The following TMEM94 variants were observed in gnomAD, a reference collection of about 807,000 sequenced individuals.
TMEM94 encodes the protein ER Mg2+ ATPase.
TMEM94 carries 81 observed loss-of-function variants against 158.6 expected under a neutral mutation model. That is an observed-to-expected ratio of 0.51 (90% CI 0.43 to 0.61). The LOEUF (loss-of-function observed/expected upper bound fraction) is 0.61, where lower values mean the gene tolerates loss of function less well. Among genes scored for constraint, TMEM94 ranks in the 20% least tolerant of loss-of-function variants. The pLI, the probability that TMEM94 is intolerant of heterozygous loss-of-function variation, is 0.00. For synonymous variants in TMEM94, 751 were observed against 730.7 expected (o/e 1.03, Z -0.45); for missense variants, 1,435 against 1,762.0 (o/e 0.81, Z 3.32).
chr17:75,498,280 C>T lies in TMEM94; in HGVS notation c.3595C>T (p.Arg1199Trp), dbSNP rs566291500. 17 of 1,613,440 alleles carry T rather than the reference C, an allele frequency of 1.1e-5. No individual in the cohort carries two copies. The highest frequency in any genetic ancestry group is 7.7e-5 in the South Asian group (7 of 91,080). Residue 1199 changes from arginine to tryptophan, a missense_variant, in exon 28 of 32, where the codon CGG (arginine) becomes TGG (tryptophan). This residue lies in a region of TMEM94 where 335 missense variants were observed against 409.1 expected (regional missense o/e 0.82). Transcript: ENST00000314256. This position sits in a 1 kb window ranked among gnomAD's most constrained non-coding sequence, Gnocchi z 6.7. ...ACTGCAGAGCTTCTGTGACAGCTCC[C>T]GGGACCGCAACCTCACCAACTGCTC... The part of the protein sequence containing the change: ...FTLQSFCDSS[R>W]DRNLTNCSSV...
chr17:75,463,138 G>A (rs1246540459), intron 1 of TMEM94, among the ~76,000 whole-genome samples: 1 of 56,150 alleles, frequency 1.8e-5, no homozygotes, highest in African/African-American at 1.6e-4. Flanking sequence ...GTGTATATAT[G>A]TATATATATA....
chr17:75,490,184 T>C lies in TMEM94; in HGVS notation c.955-50T>C, dbSNP rs1367955709. The stretch of plus-strand genomic sequence containing the variant: ...CCAGGGCAGCCCTTCCCTTCCCTCC[T>C]CCCCAGGCCCGGAGCTCAGGAGCCA... On this transcript the variant is annotated intron_variant, in intron 9 of 31. Coordinates refer to ENST00000314256, the MANE Select transcript of TMEM94 (RefSeq NM_014738.6). 3 of 1,597,196 alleles carry C rather than the reference T, an allele frequency of 1.9e-6. No individual in the cohort carries two copies. The South Asian group carries it at 3.3e-5, about 18-fold the overall frequency.
chr17:75,490,682 C>T lies in TMEM94; in HGVS notation c.1072-20C>T, dbSNP rs757966305. 1 of 1,613,054 alleles carries T rather than the reference C, an allele frequency of 6.2e-7. No individual in the cohort carries two copies. The highest frequency in any genetic ancestry group is 1.1e-5 in the South Asian group (1 of 91,012). ...AGGCGGCGTTTTCCTCACTGAGGAC[C>T]TCACCCTCTCTCCGTGCAGCTGGCT... On this transcript the variant is annotated intron_variant, in intron 10 of 31. Coordinates refer to ENST00000314256, the MANE Select transcript of TMEM94 (RefSeq NM_014738.6).
At chr17:75,473,826 A>G (rs2146269138) in intron 2 of TMEM94, among the ~76,000 whole-genome samples, 1 of 152,250 alleles carries the variant, frequency 6.6e-6, no homozygotes, top group East Asian at 1.9e-4. Context: ...AATTGATAGT[A>G]CAAGCAGGCT....
intron 4 of TMEM94, 136 bp downstream of exon 4, chr17:75,486,134 C>T (rs1297582614): frequency 2.8e-6 from 4 of 1,444,464 alleles, no homozygotes; most frequent in Non-Finnish European, 3.7e-6. Flanking sequence ...TCCTCAGTCC[C>T]TTGAATGGGG....
intron 11 of TMEM94, 105 bp downstream of exon 11, chr17:75,490,863 C>T: frequency 9.1e-7 from 1 of 1,093,102 alleles, no homozygotes; most frequent in Non-Finnish European, 1.4e-6. Flanking sequence ...TCTTAGAGCC[C>T]CATGTCCACC....
In TMEM94 at chr17:75,489,200, A is replaced by C; in HGVS notation, c.765-66A>C. ...GCGGTATCTGGCAGAGAGGCCCAGA[A>C]TCCTCCCAAGGTGTAGGTTTCTAGC... On this transcript the variant is annotated intron_variant, in intron 7 of 31. Coordinates refer to ENST00000314256, the MANE Select transcript of TMEM94 (RefSeq NM_014738.6). This position sits in a 1 kb window ranked among gnomAD's most constrained non-coding sequence, Gnocchi z 5.0. 1 of 1,480,970 alleles carries C rather than the reference A, an allele frequency of 6.8e-7. No homozygotes were observed. Among genetic ancestry groups the C allele is most frequent in the East Asian group, 2.3e-5 (1 of 44,088 alleles). 91.7% of individuals were successfully genotyped at this position (1,480,970 alleles called of 1,614,324 possible).
chr17:75,496,513 G>T, intron 24 of TMEM94, 42 bp downstream of exon 24: 2 of 1,593,028 alleles, frequency 1.3e-6, no homozygotes, highest in South Asian at 2.2e-5. Flanking sequence ...CGCAGGACAG[G>T]ACCCGCCTGG....
chr17:75,457,962 A>G (rs1187508984), intron 1 of TMEM94, among the ~76,000 whole-genome samples: 5 of 152,146 alleles, frequency 3.3e-5, no homozygotes, highest in African/African-American at 4.8e-5. Flanking sequence ...GGATCCTCCT[A>G]TGCTTCCTGG....
intron 17 of TMEM94, 40 bp downstream of exon 17, chr17:75,493,633 G>A (rs768299619): frequency 7.4e-6 from 12 of 1,612,812 alleles, no homozygotes; most frequent in African/African-American, 2.7e-5. Context: ...GAGCAGTCGC[G>A]CTGCCGGGGC....
chr17:75,496,232 A>G, intron 23 of TMEM94, 50 bp from the exon 24 acceptor site: 1 of 1,611,116 alleles, frequency 6.2e-7, no homozygotes, highest in East Asian at 2.2e-5. Flanking sequence ...TGGGGTGCCC[A>G]GTCCTGTGGG....
At chr17:75,474,467 C>A (rs905901353) in intron 2 of TMEM94, among the ~76,000 whole-genome samples, 1 of 152,222 alleles carries the variant, frequency 6.6e-6, no homozygotes, top group East Asian at 1.9e-4. Context: ...ATGGTGAAAC[C>A]CTGTCTCTAC....
intron 4 of TMEM94, 111 bp downstream of exon 4, chr17:75,486,109 G>A: frequency 6.9e-7 from 1 of 1,451,072 alleles, no homozygotes. Flanking sequence ...GCTGCTCCTG[G>A]GATGTAAGGG....
rs139608769 is a variant in TMEM94 at position 75,476,830 on chromosome 17, G to C, written c.24+4901G>C. On this transcript the variant is annotated intron_variant, in intron 2 of 31. Transcript: ENST00000314256. ...GGGAGTCTTCGGGTTAGCGGTTGCT[G>C]TGAGAGTCCTGAAGACAATGCAAAA... 1,777 of 1,523,918 alleles carry C rather than the reference G, an allele frequency of 1.2e-3. 16 individuals carry two copies. In the African/African-American group the frequency reaches 0.021, roughly 18 times the overall value. 94.4% of individuals were successfully genotyped at this position (1,523,918 alleles called of 1,614,324 possible).
At chr17:75,484,534 G>A (rs1196511765) in intron 2 of TMEM94, among the ~76,000 whole-genome samples, 1 of 151,894 alleles carries the variant, frequency 6.6e-6, no homozygotes, top group African/African-American at 2.4e-5. Context: ...GAGTAGCTGG[G>A]TGCATGCCAC....
At position 75,492,945 on chromosome 17, in the gene TMEM94, C is replaced by T; in HGVS notation, c.1929C>T (p.Ala643=). The change falls in exon 16 of 32, where the codon GCC becomes GCT. Residue 643 remains alanine (A), a synonymous_variant. Coordinates refer to ENST00000314256, the MANE Select transcript of TMEM94 (RefSeq NM_014738.6). This position sits in a 1 kb window ranked among gnomAD's most constrained non-coding sequence, Gnocchi z 4.4. The part of the protein sequence containing the change: ...LARLIGFTPG[A]KELFKQENHL... ...GCCCTGCAGGCTTCACTCCTGGGGC[C>T]AAGGAGCTTTTCAAGCAGGAGAACC... The T allele has an allele frequency of 1.9e-6, 3 of 1,613,256 alleles. No individual in the cohort carries two copies. The highest frequency in any genetic ancestry group is 2.5e-6 in the Non-Finnish European group (3 of 1,179,674).
intron 1 of TMEM94, among the ~76,000 whole-genome samples, chr17:75,463,034 AAAAATATATATATATATATATAT>A (rs2050140150): frequency 2.6e-4 from 1 of 3,786 alleles, no homozygotes; most frequent in Non-Finnish European, 5.3e-4. Flanking sequence ...AAAAAAAAAA[AAAAATATATATATATATATATAT>A]ATATATATAT....
At chr17:75,457,779 C>A (rs2049939034) in intron 1 of TMEM94, 1 of 152,164 alleles carries the variant, frequency 6.6e-6, no homozygotes, top group South Asian at 2.1e-4. Flanking sequence ...TTCGGAGAGG[C>A]AAGGCCAGGG....
At chr17:75,496,877 C>G in intron 25 of TMEM94, 70 bp downstream of exon 25, 1 of 1,509,240 alleles carries the variant, frequency 6.6e-7, no homozygotes, top group East Asian at 2.3e-5. Flanking sequence ...AGCTGAAAAT[C>G]TGAGGAAGGA....
Sources: gnomAD v4.1 joint callset for allele counts (sites outside exome capture counted in the v4.1 genomes callset) on GRCh38, gnomAD v4.1.1 for gene constraint, gnomAD v4.1.1 regional missense constraint, Gnocchi (gnomAD v3.1) non-coding constraint, MANE v1.5 for transcripts, NCBI Gene and HGNC (gene_info 2026-07-23, HGNC 2026-07-21) for gene names.